CABLES1: variants seen among roughly 807,000 people sequenced by gnomAD.
The protein encoded by CABLES1 is Cdk5 and Abl enzyme substrate 1.
Under a neutral mutation model 57.8 loss-of-function variants are expected in CABLES1, and 36 were observed. The observed-to-expected ratio is 0.62, with a 90% CI of 0.48 to 0.82. The LOEUF is 0.82. Among genes scored for constraint, CABLES1 ranks in the 40% least tolerant of loss-of-function variants. The pLI is 0.00. For synonymous variants in CABLES1, 374 were observed against 363.0 expected (o/e 1.03, Z -0.35); for missense variants, 767 against 836.6 (o/e 0.92, Z 1.03).
In CABLES1 at chr18:23,205,241, G is replaced by A. The variant is rs150257027; in HGVS notation, c.1011-8736G>A. 8.6e-3 allele frequency among the ~76,000 whole-genome samples: 1,195 copies of A among 138,930 alleles called. 10 individuals carry two copies. The highest frequency in any genetic ancestry group is 0.029 in the African/African-American group (1,077 of 37,186). 91.1% of individuals were successfully genotyped at this position (138,930 alleles called of 152,430 possible). ...CTCCCTCTGTCACCCAAGCTGGAGT[G>A]CAGTGGTGTGATCTTGGCTCACTGC... On this transcript the variant is annotated intron_variant, in intron 3 of 9. Coordinates refer to ENST00000256925, the MANE Select transcript of CABLES1 (RefSeq NM_001100619.3).
intron 1 of CABLES1, 47 bp from the exon 2 acceptor site, chr18:23,188,791 T>C (rs2047220884): frequency 7.8e-7 from 1 of 1,287,392 alleles, no homozygotes; most frequent in East Asian, 2.3e-5. Flanking sequence ...GTCTGATCAG[T>C]TCTGCAATGC....
Position 23,167,600 on chromosome 18 carries a change from C to T in CABLES1, c.846-21238C>T, listed in dbSNP as rs111349691. The stretch of plus-strand genomic sequence containing the variant: ...TTGTTCAGACATTCAGCAGCATTTA[C>T]TGTGCACCTAATATGAGTTACAGCC... On this transcript the variant is annotated intron_variant, in intron 1 of 9. Coordinates refer to ENST00000256925, the MANE Select transcript of CABLES1 (RefSeq NM_001100619.3). Among the ~76,000 whole-genome samples the T allele has an allele frequency of 5.5e-4, 84 of 152,284 alleles. 2 individuals carry two copies. The highest frequency in any genetic ancestry group is 2.0e-3 in the African/African-American group (83 of 41,564).
At chr18:23,203,716 G>A (rs754645819) in intron 3 of CABLES1, among the ~76,000 whole-genome samples, 16 of 152,044 alleles carry the variant, frequency 1.1e-4, no homozygotes, top group African/African-American at 3.9e-4. Context: ...AAAATAAAAC[G>A]GCTCGTTACC....
chr18:23,144,561 G>A (rs1384741286), intron 1 of CABLES1, among the ~76,000 whole-genome samples: 1 of 152,184 alleles, frequency 6.6e-6, no homozygotes, highest in Admixed American at 6.5e-5. Flanking sequence ...CATCCTTCAC[G>A]TATGTTGTTT....
At chr18:23,232,076 C>T (rs1314316261) in intron 4 of CABLES1, among the ~76,000 whole-genome samples, 3 of 152,182 alleles carry the variant, frequency 2.0e-5, no homozygotes, top group Non-Finnish European at 4.4e-5. Flanking sequence ...ACATATCAGA[C>T]GTTGTATAGA....
intron 3 of CABLES1, among the ~76,000 whole-genome samples, chr18:23,206,131 G>A (rs2047361402): frequency 1.3e-5 from 2 of 152,146 alleles, no homozygotes; most frequent in African/African-American, 4.8e-5. Flanking sequence ...CCATCTGACA[G>A]CGCCTGCCTG....
intron 4 of CABLES1, among the ~76,000 whole-genome samples, chr18:23,215,517 C>T (rs181483262): frequency 7.9e-5 from 12 of 152,314 alleles, no homozygotes; most frequent in African/African-American, 2.4e-4. Context: ...TTGGCCAGAG[C>T]TTGGATGGTA....
rs2046821750 is a variant in CABLES1 at position 23,136,409 on chromosome 18, G to A, written c.647G>A (p.Ser216Asn). 6.3e-7 allele frequency: 1 copy of A among 1,597,816 alleles called. No homozygotes were observed. Among genetic ancestry groups the A allele is most frequent in the Non-Finnish European group, 8.5e-7 (1 of 1,173,550 alleles). Residue 216 changes from serine to asparagine, a missense_variant, in exon 1 of 10, where the codon AGC (serine) becomes AAC (asparagine). Ser to Asn is a conservative substitution (Grantham distance 46). This residue lies in a region of CABLES1 where 529 missense variants were observed against 622.8 expected (regional missense o/e 0.85). Transcript: ENST00000256925. ...TTGGAGGAGGACGATGCCTTTATCA[G>A]CGTGCAGGTGCCGGCGGCCGCCTTT... ...EELEEDDAFI[S>N]VQVPAAAFLG...
intron 6 of CABLES1, 146 bp downstream of exon 6, chr18:23,236,197 T>C (rs2047609292): frequency 5.9e-6 from 5 of 847,684 alleles, no homozygotes; most frequent in Admixed American, 2.9e-5. Context: ...TCTCAAGCCA[T>C]GCAGGCCCGC....
chr18:23,166,048 A>G (rs1443317781), intron 1 of CABLES1, among the ~76,000 whole-genome samples: 1 of 152,154 alleles, frequency 6.6e-6, no homozygotes, highest in Admixed American at 6.5e-5. Flanking sequence ...GAAGTTACTA[A>G]ATCGCAAGTA....
chr18:23,177,318 CCA>C (rs893698484), intron 1 of CABLES1, among the ~76,000 whole-genome samples: 1 of 151,610 alleles, frequency 6.6e-6, no homozygotes, highest in African/African-American at 2.4e-5. Context: ...GCCCCCTGCA[CCA>C]CACACTTGCT....
At chr18:23,192,563 A>G (rs2047252113) in intron 2 of CABLES1, among the ~76,000 whole-genome samples, 1 of 152,138 alleles carries the variant, frequency 6.6e-6, no homozygotes, top group African/African-American at 2.4e-5. Flanking sequence ...CTGAACCCGC[A>G]CACTGTCTAG....
At chr18:23,135,298 G>A (rs1156640811), upstream of CABLES1, among the ~76,000 whole-genome samples, 2 of 152,278 alleles carry the variant, frequency 1.3e-5, no homozygotes, top group East Asian at 3.9e-4. Context: ...CGGCTCTCGC[G>A]TCCTCCTCTT....
At chr18:23,256,316 G>C (rs967361614) in intron 9 of CABLES1, among the ~76,000 whole-genome samples, 2 of 152,176 alleles carry the variant, frequency 1.3e-5, no homozygotes, top group Non-Finnish European at 2.9e-5. Context: ...GATGCCACCA[G>C]GCTCAGCCCT....
intron 3 of CABLES1, among the ~76,000 whole-genome samples, chr18:23,212,774 G>A (rs546929545): frequency 6.6e-6 from 1 of 152,112 alleles, no homozygotes; most frequent in African/African-American, 2.4e-5. Flanking sequence ...ACCAAAAAGG[G>A]AACAAAAAAC....
At chr18:23,237,115 A>AT (rs1568080971) in intron 6 of CABLES1, 27 bp from the exon 7 acceptor site, 1 of 1,366,736 alleles carries the variant, frequency 7.3e-7, no homozygotes, top group Non-Finnish European at 1.0e-6. Flanking sequence ...GCTAATTATC[A>AT]TTTTGCATTT....
chr18:23,247,819 T>C (rs1254348341), intron 7 of CABLES1, among the ~76,000 whole-genome samples: 1 of 152,182 alleles, frequency 6.6e-6, no homozygotes, highest in Non-Finnish European at 1.5e-5. Flanking sequence ...GAAGAGTCTG[T>C]CACCTAGAAG....
chr18:23,171,466 G>A (rs752472746), intron 1 of CABLES1, among the ~76,000 whole-genome samples: 6 of 152,198 alleles, frequency 3.9e-5, no homozygotes, highest in South Asian at 4.1e-4. Flanking sequence ...CCTTGCCATG[G>A]TCTGCACCAT....
Position 23,135,878 on chromosome 18 carries a change from C to G in CABLES1, c.116C>G (p.Pro39Arg), listed in dbSNP as rs1046665983. ...QQPPPQPQPQ[P>R]AAAAPAQPPP... ...CCGCCGCCGCAGCCCCAGCCTCAGC[C>G]CGCGGCCGCCGCGCCGGCCCAGCCG... The change falls in exon 1 of 10, where the codon CCC (proline) becomes CGC (arginine). Residue 39 changes from proline to arginine, a missense_variant. Pro to Arg is a moderately radical substitution (Grantham distance 103). Coordinates refer to ENST00000256925, the MANE Select transcript of CABLES1 (RefSeq NM_001100619.3). 1.0e-4 allele frequency: 106 copies of G among 1,044,346 alleles called. 1 individual carries two copies. In the African/African-American group the frequency reaches 1.7e-3, roughly 17 times the overall value. The allele number at this position is 1,044,346 out of a possible 1,614,324, so 64.7% of individuals were successfully genotyped here.
Sources: allele counts gnomAD v4.1 joint callset (sites outside exome capture counted in the v4.1 genomes callset), GRCh38; gene constraint gnomAD v4.1.1; regional missense constraint gnomAD v4.1.1; transcripts MANE v1.5; gene names NCBI Gene and HGNC (gene_info 2026-07-23, HGNC 2026-07-21).